The following KIAA0586 variants were observed in gnomAD, a reference collection of about 807,000 sequenced individuals.
The protein encoded by KIAA0586 is KIAA0586.
A neutral mutation model predicts 169.8 loss-of-function variants in KIAA0586; 144 were observed. That is an observed-to-expected ratio of 0.85 (90% CI 0.74 to 0.97). The LOEUF (loss-of-function observed/expected upper bound fraction) is 0.97, where lower values mean the gene tolerates loss of function less well. Among genes scored for constraint, KIAA0586 ranks in the 50% least tolerant of loss-of-function variants. The probability of loss-of-function intolerance (pLI) is 0.00; values close to 1 mark genes in which losing one functional copy is unlikely to be tolerated. For missense variants in KIAA0586, 1,854 were observed against 1,823.0 expected, an observed-to-expected ratio of 1.02 and a Z score of -0.31; for synonymous variants, 625 against 612.4, an observed-to-expected ratio of 1.02 and a Z score of -0.30.
At chr14:58,440,127 C>A (rs200051879) in intron 4 of KIAA0586, 2 of 415,562 alleles carry the variant, frequency 4.8e-6, no homozygotes, top group East Asian at 2.1e-4. Flanking sequence ...AAGCAGTCTT[C>A]CTGCCTCAGC....
At chr14:58,454,024 T>TC (rs2039617934) in intron 9 of KIAA0586, among the ~76,000 whole-genome samples, 3 of 152,202 alleles carry the variant, frequency 2.0e-5, no homozygotes, top group African/African-American at 7.2e-5. Context: ...TATAGTCTAT[T>TC]TACATGTAAT....
intron 4 of KIAA0586, among the ~76,000 whole-genome samples, chr14:58,439,287 C>T (rs563048419): frequency 2.0e-5 from 3 of 152,152 alleles, no homozygotes; most frequent in South Asian, 2.1e-4. Context: ...CCTGGGTTCA[C>T]GCCATTCTCC....
chr14:58,489,531 T>A (rs1243973926), intron 24 of KIAA0586, among the ~76,000 whole-genome samples: 1 of 147,990 alleles, frequency 6.8e-6, no homozygotes, highest in African/African-American at 2.5e-5. Context: ...GAAACCTGAA[T>A]TTTTTTTTTT....
chr14:58,557,629 A>G, the KIAA0586 span, among the ~76,000 whole-genome samples: 1 of 152,026 alleles, frequency 6.6e-6, no homozygotes, highest in Non-Finnish European at 1.5e-5. Flanking sequence ...AGCCCAATTA[A>G]TGCTAGGCAG....
rs1322569071 is a variant in KIAA0586 at position 58,456,768 on chromosome 14, T to C, written c.1320T>C (p.His440=). ...VTMQKSDDVL[H]DLGQKEKETN... ...TGCAGAAGTCTGATGATGTTCTTCA[T>C]GACCTTGGCCAAAAAGAGAAAGAAA... The change falls in exon 10 of 31, where the codon CAT becomes CAC. Residue 440 remains histidine (H), a synonymous_variant. Transcript: ENST00000652326. 6.2e-7 allele frequency: 1 copy of C among 1,604,666 alleles called. No homozygotes were observed. Among genetic ancestry groups the C allele is most frequent in the African/African-American group, 1.3e-5 (1 of 74,804 alleles).
chr14:58,521,813 G>C, intron 29 of KIAA0586: 1 of 828,420 alleles, frequency 1.2e-6, no homozygotes, highest in Non-Finnish European at 2.1e-6. Flanking sequence ...AGAAAGATGA[G>C]ACTAATGTGA....
chr14:58,427,579 A>T (rs748982533), upstream of KIAA0586: 17 of 1,535,514 alleles, frequency 1.1e-5, no homozygotes, highest in Middle Eastern at 3.3e-4. Flanking sequence ...GTTTGTTTCC[A>T]CCCGGAGAGG....
intron 29 of KIAA0586, among the ~76,000 whole-genome samples, chr14:58,534,723 CTATT>C (rs1327382612): frequency 1.3e-5 from 2 of 152,046 alleles, no homozygotes; most frequent in Non-Finnish European, 2.9e-5. Context: ...CTTAGTGTAA[CTATT>C]TATTTGATAT....
intron 30 of KIAA0586, among the ~76,000 whole-genome samples, chr14:58,545,765 C>A (rs1566967276): frequency 6.6e-6 from 1 of 151,828 alleles, no homozygotes; most frequent in Non-Finnish European, 1.5e-5. Flanking sequence ...TCTGTAATGT[C>A]AGCACTTTGG....
rs2047150565 is a variant in KIAA0586, at chr14:58,549,479, T to A, written c.*1547T>A. 1.3e-5 allele frequency: 2 copies of A among 152,166 alleles called. No homozygotes were observed. Among genetic ancestry groups the A allele is most frequent in the Non-Finnish European group, 2.9e-5 (2 of 68,026 alleles). 9.4% of individuals were successfully genotyped at this position (152,166 alleles called of 1,614,324 possible). On this transcript the variant is annotated 3_prime_UTR_variant, in exon 31 of 31. Transcript: ENST00000652326. The stretch of plus-strand genomic sequence containing the variant: ...TTTTTTTCTCACTGAACATAGAAGC[T>A]GCAAGAGTCTATGGAAACTCAGAAA...
chr14:58,528,704 AGT>A (rs2045758075), intron 29 of KIAA0586, among the ~76,000 whole-genome samples: 1 of 152,246 alleles, frequency 6.6e-6, no homozygotes, highest in Admixed American at 6.5e-5. Flanking sequence ...CATTTAAAGC[AGT>A]GTGTAGAGGG....
In KIAA0586 at chr14:58,499,663, A is replaced by G. The variant is rs2043417182; in HGVS notation, c.4168+703A>G. ...AACCCCTGCCTCCTGGGTTCAAGCT[A>G]TTCTCCTGCCTCAGCCTCCCGAGTA... On this transcript the variant is annotated intron_variant, in intron 27 of 30. Coordinates refer to ENST00000652326, the MANE Select transcript of KIAA0586 (RefSeq NM_001329943.3). Among the ~76,000 whole-genome samples, 3 of 152,070 alleles carry G rather than the reference A, an allele frequency of 2.0e-5. No homozygotes were observed. The South Asian group carries it at 6.2e-4, about 32-fold the overall frequency.
intron 5 of KIAA0586, among the ~76,000 whole-genome samples, chr14:58,443,545 C>T (rs977882594): frequency 6.6e-6 from 1 of 152,098 alleles, no homozygotes; most frequent in Non-Finnish European, 1.5e-5. Context: ...GCCTCAGCCT[C>T]CCGAGTAGCT....
downstream of KIAA0586, among the ~76,000 whole-genome samples, chr14:58,551,486 G>A (rs187119627): frequency 2.4e-4 from 37 of 152,078 alleles, no homozygotes; most frequent in African/African-American, 8.4e-4. Context: ...AACTGGCAGG[G>A]CGCAGTGGTT....
At chr14:58,507,441 C>T (rs2044077762) in intron 27 of KIAA0586, among the ~76,000 whole-genome samples, 1 of 148,860 alleles carries the variant, frequency 6.7e-6, no homozygotes, top group South Asian at 2.1e-4. Context: ...GCATATAACT[C>T]TTCAGGTCTA....
At chr14:58,430,803 C>CAGT (rs1354153616) in intron 3 of KIAA0586, 86 bp downstream of exon 3, 5 of 697,516 alleles carry the variant, frequency 7.2e-6, no homozygotes, top group African/African-American at 5.5e-5. Context: ...AGTTCTGTGA[C>CAGT]AGTAAGTACA....
chr14:58,458,001 G>C (rs754470264), intron 11 of KIAA0586, 22 bp downstream of exon 11: 3 of 1,485,004 alleles, frequency 2.0e-6, no homozygotes, highest in Non-Finnish European at 2.8e-6. Flanking sequence ...TTGGCATCCA[G>C]GGTTATTTAT....
intron 27 of KIAA0586, among the ~76,000 whole-genome samples, chr14:58,499,399 C>T (rs1293671836): frequency 6.6e-6 from 1 of 151,618 alleles, no homozygotes; most frequent in Non-Finnish European, 1.5e-5. Context: ...ACTACAGGAG[C>T]CCACCACCAC....
rs541426915 is a variant in KIAA0586, at chr14:58,516,543, A to T, written c.4429+3916A>T. ...GTCCTGCACAAAATTTGCCAAAGGG[A>T]CAAGGCAGAATTTAAAATGTCAGTT... On this transcript the variant is annotated intron_variant, in intron 29 of 30. Coordinates refer to ENST00000652326, the MANE Select transcript of KIAA0586 (RefSeq NM_001329943.3). 4.6e-5 allele frequency among the ~76,000 whole-genome samples: 7 copies of T among 152,310 alleles called. No homozygotes were observed. The East Asian group carries it at 1.4e-3, about 29-fold the overall frequency.
Sources: allele counts gnomAD v4.1 joint callset (sites outside exome capture counted in the v4.1 genomes callset), GRCh38; gene constraint gnomAD v4.1.1; transcripts MANE v1.5; gene names NCBI Gene and HGNC (gene_info 2026-07-23, HGNC 2026-07-21).